FRMD4A: variants seen among roughly 807,000 people sequenced by gnomAD.
The protein encoded by FRMD4A is FERM domain containing 4A, also known as FERM domain-containing protein 4A.
In FRMD4A, 29 loss-of-function variants were observed where a neutral mutation model predicts 129.1. That is an observed-to-expected ratio of 0.22 (90% CI 0.17 to 0.31). The LOEUF (loss-of-function observed/expected upper bound fraction) is 0.31, where lower values mean the gene tolerates loss of function less well. Ranked by LOEUF, FRMD4A falls within the 10% of genes least tolerant of loss-of-function variation. The pLI, the probability that FRMD4A is intolerant of heterozygous loss-of-function variation, is 1.00. For missense variants in FRMD4A, 1,272 were observed against 1,375.8 expected (o/e 0.92, Z 1.19); for synonymous variants, 634 against 571.6 (o/e 1.11, Z -1.56).
intron 3 of FRMD4A, among the ~76,000 whole-genome samples, chr10:13,852,214 G>T (rs76374735): frequency 5.4e-4 from 82 of 151,966 alleles, no homozygotes; most frequent in Non-Finnish European, 9.6e-4. Context: ...GAAATACAAC[G>T]TGAGCCACAA....
chr10:13,745,807 C>T (rs908699530), intron 9 of FRMD4A, among the ~76,000 whole-genome samples: 22 of 152,138 alleles, frequency 1.4e-4, no homozygotes, highest in African/African-American at 5.3e-4. Context: ...TCTCACATCC[C>T]CAGGGCCTTG....
At chr10:13,965,226 C>T (rs1233369881) in intron 2 of FRMD4A, among the ~76,000 whole-genome samples, 2 of 152,140 alleles carry the variant, frequency 1.3e-5, no homozygotes, top group African/African-American at 4.8e-5. Flanking sequence ...AACCCTCACC[C>T]TTAAATGCCG....
intron 15 of FRMD4A, chr10:13,684,573 C>G: frequency 1.0e-6 from 1 of 985,488 alleles, no homozygotes; most frequent in Non-Finnish European, 1.2e-6. Context: ...CTCTTTCAGC[C>G]TCATTCAGCC....
intron 2 of FRMD4A, among the ~76,000 whole-genome samples, chr10:14,204,868 C>T (rs962006553): frequency 2.0e-5 from 3 of 151,962 alleles, no homozygotes; most frequent in Admixed American, 1.3e-4. Context: ...GCCTATTGAA[C>T]GCGAAAGCAC....
chr10:13,998,794 T>C (rs1411481264), intron 2 of FRMD4A, among the ~76,000 whole-genome samples: 1 of 152,202 alleles, frequency 6.6e-6, no homozygotes. Context: ...TCATCATCTG[T>C]CACTAAGATG....
chr10:14,025,977 A>T (rs1832968844), intron 2 of FRMD4A, among the ~76,000 whole-genome samples: 1 of 152,178 alleles, frequency 6.6e-6, no homozygotes, highest in Admixed American at 6.5e-5. Flanking sequence ...GCTAATGGCC[A>T]TCCTTGCTGT....
chr10:13,666,298 C>G lies in FRMD4A; in HGVS notation c.1402G>C (p.Glu468Gln), dbSNP rs1284454150. Residue 468 changes from glutamate (E) to glutamine (Q), a missense_variant, in exon 18 of 25, where the codon GAG becomes CAG. Physicochemically the swap from Glu to Gln is conservative, Grantham distance 29. This residue lies in a region of FRMD4A where 972 missense variants were observed against 892.3 expected (regional missense o/e 1.09). Coordinates refer to ENST00000357447, the MANE Select transcript of FRMD4A (RefSeq NM_018027.5). ...EEAELERLER[E>Q]FAIQSQITEA... is the part of the protein sequence containing the mutation. ...GTAATCTGGGACTGAATGGCAAACT[C>G]TCGTTCCAGGCGTTCCAGCTCAGCT... The G allele has an allele frequency of 6.2e-7, 1 of 1,614,068 alleles. No homozygotes were observed. Among genetic ancestry groups the G allele is most frequent in the Non-Finnish European group, 8.5e-7 (1 of 1,179,934 alleles).
intron 2 of FRMD4A, among the ~76,000 whole-genome samples, chr10:13,960,962 T>A (rs577117129): frequency 6.6e-6 from 1 of 152,366 alleles, no homozygotes; most frequent in Admixed American, 6.5e-5. Flanking sequence ...CATGTTTAAC[T>A]TTTTATGAGT....
At chr10:13,825,721 T>C (rs2093691622) in intron 3 of FRMD4A, among the ~76,000 whole-genome samples, 1 of 152,186 alleles carries the variant, frequency 6.6e-6, no homozygotes, top group Admixed American at 6.5e-5. Flanking sequence ...GCATGAGATC[T>C]CCTCATGCTA....
intron 2 of FRMD4A, among the ~76,000 whole-genome samples, chr10:14,208,449 G>A (rs1842847212): frequency 6.6e-6 from 1 of 152,114 alleles, no homozygotes; most frequent in African/African-American, 2.4e-5. Context: ...TCTACCGCGT[G>A]GATGCTGCAG....
intron 6 of FRMD4A, among the ~76,000 whole-genome samples, chr10:13,779,231 G>A (rs146308970): frequency 9.2e-5 from 14 of 151,896 alleles, no homozygotes; most frequent in African/African-American, 2.2e-4. Flanking sequence ...GCAGAGAATC[G>A]CTTGAACCCA....
At chr10:13,699,076 G>A (rs2086528957) in intron 14 of FRMD4A, among the ~76,000 whole-genome samples, 1 of 134,948 alleles carries the variant, frequency 7.4e-6, no homozygotes, top group African/African-American at 2.8e-5. Context: ...TTTTTTCTGA[G>A]ATGGAGTCTC....
chr10:14,197,174 A>G (rs1842495638), intron 2 of FRMD4A, among the ~76,000 whole-genome samples: 1 of 152,154 alleles, frequency 6.6e-6, no homozygotes. Context: ...TCAGTTGTTC[A>G]ATTCATTAAC....
intron 12 of FRMD4A, among the ~76,000 whole-genome samples, chr10:13,735,973 G>A (rs2090605182): frequency 6.6e-6 from 1 of 152,116 alleles, no homozygotes; most frequent in South Asian, 2.1e-4. Flanking sequence ...GGCCCACATG[G>A]TGAAACCCCA....
intron 2 of FRMD4A, among the ~76,000 whole-genome samples, chr10:14,172,793 T>C (rs1343911138): frequency 1.3e-5 from 2 of 152,138 alleles, no homozygotes; most frequent in Non-Finnish European, 2.9e-5. Flanking sequence ...ACATGCCCAG[T>C]GAGAACAAGT....
chr10:13,982,490 G>A (rs959800001), intron 2 of FRMD4A, among the ~76,000 whole-genome samples: 3 of 135,574 alleles, frequency 2.2e-5, no homozygotes, highest in Non-Finnish European at 4.7e-5. Flanking sequence ...GGAGGGGAGG[G>A]GAGGGGAGGG....
At chr10:14,233,336 G>A (rs773296719) in intron 2 of FRMD4A, among the ~76,000 whole-genome samples, 8 of 152,156 alleles carry the variant, frequency 5.3e-5, no homozygotes, top group Non-Finnish European at 1.0e-4. Context: ...TTGGGAGGCC[G>A]AGGAGGGCAG....
chr10:13,791,120 T>C (rs759808210), intron 5 of FRMD4A, among the ~76,000 whole-genome samples: 1 of 152,160 alleles, frequency 6.6e-6, no homozygotes, highest in Non-Finnish European at 1.5e-5. Flanking sequence ...ATTAAGTTTG[T>C]GGATAAAGAA....
At chr10:14,047,852 T>C (rs746701812) in intron 2 of FRMD4A, among the ~76,000 whole-genome samples, 2 of 152,190 alleles carry the variant, frequency 1.3e-5, no homozygotes, top group Admixed American at 6.5e-5. Flanking sequence ...GTCAGAATTG[T>C]GTCATTGCGC....
Sources: allele counts gnomAD v4.1 joint callset (sites outside exome capture counted in the v4.1 genomes callset), GRCh38; gene constraint gnomAD v4.1.1; regional missense constraint gnomAD v4.1.1; transcripts MANE v1.5; gene names NCBI Gene and HGNC (gene_info 2026-07-23, HGNC 2026-07-21).